Variants in LRP1B observed in about 807,000 individuals in gnomAD.
LRP1B encodes low-density lipoprotein receptor-related protein 1B.
LRP1B carries 217 observed loss-of-function variants against 556.6 expected under a neutral mutation model. The ratio of observed to expected loss-of-function variants is 0.39; its 90% CI spans 0.35 to 0.44. The LOEUF (loss-of-function observed/expected upper bound fraction) is 0.44. LRP1B is among the 20% of genes least tolerant of loss of function. LRP1B has a pLI of 1.00. For synonymous variants in LRP1B, 2,047 were observed against 1,865.8 expected (o/e 1.10, Z -2.50); for missense variants, 5,053 against 5,620.8 (o/e 0.90, Z 3.23).
intron 3 of LRP1B, among the ~76,000 whole-genome samples, chr2:141,315,366 T>C (rs987268174): frequency 3.5e-5 from 5 of 144,564 alleles, no homozygotes; most frequent in African/African-American, 1.3e-4. Flanking sequence ...TTCATCCCAT[T>C]CTCCTGCCTC....
intron 87 of LRP1B, among the ~76,000 whole-genome samples, chr2:140,241,601 A>G (rs1350732985): frequency 6.6e-6 from 1 of 150,742 alleles, no homozygotes; most frequent in African/African-American, 2.4e-5. Flanking sequence ...ATATTACAGC[A>G]TTTTGTGTTT....
chr2:140,459,280 A>T (rs940832601), intron 60 of LRP1B, among the ~76,000 whole-genome samples: 1 of 152,184 alleles, frequency 6.6e-6, no homozygotes, highest in Non-Finnish European at 1.5e-5. Context: ...GTTAATAATT[A>T]ATTGAATCTT....
chr2:141,990,172 C>T (rs1190793111), intron 1 of LRP1B, among the ~76,000 whole-genome samples: 2 of 152,026 alleles, frequency 1.3e-5, no homozygotes, highest in African/African-American at 2.4e-5. Context: ...CTTTTACCAA[C>T]TGACGTGAAA....
intron 2 of LRP1B, among the ~76,000 whole-genome samples, chr2:141,779,738 G>C (rs1695189848): frequency 6.6e-6 from 1 of 151,800 alleles, no homozygotes; most frequent in Admixed American, 6.6e-5. Context: ...CCATTGTATA[G>C]ATAGGAAATT....
intron 32 of LRP1B, among the ~76,000 whole-genome samples, chr2:140,813,412 A>C (rs1328441143): frequency 6.6e-6 from 1 of 152,208 alleles, no homozygotes; most frequent in East Asian, 1.9e-4. Flanking sequence ...TACAAGTCAT[A>C]GTAAGCCAAG....
intron 1 of LRP1B, among the ~76,000 whole-genome samples, chr2:142,086,202 A>G (rs764953425): frequency 5.3e-5 from 8 of 152,200 alleles, no homozygotes; most frequent in Admixed American, 1.3e-4. Flanking sequence ...TTTTCACATA[A>G]CATATCTCAA....
chr2:140,484,755 T>C (rs546444697), intron 59 of LRP1B, among the ~76,000 whole-genome samples: 1 of 152,298 alleles, frequency 6.6e-6, no homozygotes, highest in South Asian at 2.1e-4. Context: ...CATCCCTCAT[T>C]TGAAATCTCC....
chr2:142,042,477 C>A (rs147025969), intron 1 of LRP1B, among the ~76,000 whole-genome samples: 31 of 151,510 alleles, frequency 2.0e-4, no homozygotes, highest in Non-Finnish European at 4.1e-4. Context: ...AACAATAATG[C>A]ACTCAATAAT....
chr2:140,911,355 T>C (rs891076310), intron 21 of LRP1B, among the ~76,000 whole-genome samples: 8 of 151,770 alleles, frequency 5.3e-5, no homozygotes, highest in Non-Finnish European at 1.5e-5. Flanking sequence ...GGAAACCCAT[T>C]GTAGGAGGAA....
At chr2:141,742,362 C>T (rs1338193618) in intron 2 of LRP1B, among the ~76,000 whole-genome samples, 2 of 151,776 alleles carry the variant, frequency 1.3e-5, no homozygotes, top group African/African-American at 2.4e-5. Context: ...AGCAATTCTC[C>T]TGCCTCAGCC....
intron 77 of LRP1B, among the ~76,000 whole-genome samples, chr2:140,343,585 C>T (rs771227276): frequency 6.6e-5 from 10 of 151,528 alleles, no homozygotes; most frequent in Admixed American, 1.3e-4. Flanking sequence ...TTAGCTGACA[C>T]GGTAAGGTCT....
At chr2:141,674,228 T>G (rs173323) in intron 2 of LRP1B, among the ~76,000 whole-genome samples, 70,059 of 151,876 alleles carry the variant, frequency 0.46, 16,698 homozygotes, top group East Asian at 0.59. Flanking sequence ...AGAGAAGATT[T>G]GACTTTTTCT....
chr2:140,633,069 AAG>A (rs1255203956), intron 41 of LRP1B, among the ~76,000 whole-genome samples: 39 of 151,314 alleles, frequency 2.6e-4, no homozygotes, highest in African/African-American at 7.3e-4. Context: ...TCTCAAAAAA[AAG>A]AAAAAAAAAA....
chr2:140,748,586 A>AGT (rs1457857347), intron 35 of LRP1B, among the ~76,000 whole-genome samples: 2,696 of 51,178 alleles, frequency 0.053, 76 homozygotes, highest in South Asian at 0.079. Flanking sequence ...ATACATATAC[A>AGT]GTGTGTATAT....
chr2:141,112,114 C>A lies in LRP1B; in HGVS notation c.1014-49841G>T, dbSNP rs981496538. Among the ~76,000 whole-genome samples, 9 of 148,934 alleles carry A rather than the reference C, an allele frequency of 6.0e-5. No individual in the cohort carries two copies. In the East Asian group the frequency reaches 1.7e-3, roughly 27 times the overall value. On this transcript the variant is annotated intron_variant, in intron 7 of 90. Coordinates refer to ENST00000389484, the MANE Select transcript of LRP1B (RefSeq NM_018557.3). Reference sequence around the variant, plus strand: ...ATAAATAAATTCTACTCCACTCACTCTCTGAGTGTCTGTGTGCCTAATTTT... The same window carrying A: ...ATAAATAAATTCTACTCCACTCACTATCTGAGTGTCTGTGTGCCTAATTTT...
intron 2 of LRP1B, among the ~76,000 whole-genome samples, chr2:141,617,942 C>T (rs142816341): frequency 6.2e-4 from 95 of 152,182 alleles, no homozygotes; most frequent in African/African-American, 2.2e-3. Flanking sequence ...TATTTATTAG[C>T]AGTTTAATAG....
At chr2:141,569,387 A>G (rs1288664805) in intron 2 of LRP1B, among the ~76,000 whole-genome samples, 1 of 151,174 alleles carries the variant, frequency 6.6e-6, no homozygotes, top group Non-Finnish European at 1.5e-5. Context: ...TGAGAAAAAA[A>G]AGAATGTAGA....
At chr2:141,105,531 G>A (rs550390587) in intron 7 of LRP1B, among the ~76,000 whole-genome samples, 5 of 152,122 alleles carry the variant, frequency 3.3e-5, no homozygotes, top group South Asian at 4.1e-4. Context: ...GTTATAAGAC[G>A]GAGAAAGCTT....
At chr2:141,710,904 G>A (rs1166852592) in intron 2 of LRP1B, among the ~76,000 whole-genome samples, 3 of 152,090 alleles carry the variant, frequency 2.0e-5, no homozygotes, top group Admixed American at 1.3e-4. Context: ...AAGTATCATC[G>A]AAGTTAGAAT....
Sources: allele counts gnomAD v4.1 joint callset (sites outside exome capture counted in the v4.1 genomes callset), GRCh38; gene constraint gnomAD v4.1.1; transcripts MANE v1.5; gene names NCBI Gene and HGNC (gene_info 2026-07-23, HGNC 2026-07-21).